Variants in ALG13 observed in about 807,000 individuals in gnomAD.
ALG13 encodes the protein UDP-N-acetylglucosamine transferase subunit ALG13.
In ALG13, 11 loss-of-function variants were observed where a neutral mutation model predicts 87.8. That is an observed-to-expected ratio of 0.13 (90% CI 0.08 to 0.21). The LOEUF (loss-of-function observed/expected upper bound fraction) is 0.21. Ranked by LOEUF, ALG13 falls within the 10% of genes least tolerant of loss-of-function variation. The pLI is 1.00. For missense variants in ALG13, 756 were observed against 866.1 expected, an observed-to-expected ratio of 0.87 and a Z score of 1.60; for synonymous variants, 320 against 306.3, an observed-to-expected ratio of 1.04 and a Z score of -0.47.
chrX:111,750,501 A>AT (rs984051008), intron 24 of ALG13, among the ~76,000 whole-genome samples: 12 of 110,105 alleles, frequency 1.1e-4, no homozygotes, highest in Admixed American at 5.8e-4. Context: ...TGTGATTTTT[A>AT]TTTTTTTTAC....
chrX:111,747,151 C>T (rs1439815147), intron 24 of ALG13, among the ~76,000 whole-genome samples: 1 of 111,636 alleles, frequency 9.0e-6, no homozygotes, highest in Admixed American at 9.5e-5. Flanking sequence ...TGAATGATGA[C>T]ATGTATCCTT....
chrX:111,687,332 G>A (rs1407248278), intron 3 of ALG13, among the ~76,000 whole-genome samples: 3 of 112,432 alleles, frequency 2.7e-5, no homozygotes, highest in Non-Finnish European at 5.6e-5. Flanking sequence ...TAATTTAAGC[G>A]ATTGGTTTAA....
chrX:111,753,415 T>A (rs962342068), intron 25 of ALG13, among the ~76,000 whole-genome samples: 1 of 110,876 alleles, frequency 9.0e-6, no homozygotes, highest in African/African-American at 3.3e-5. Context: ...GCAAACAAAT[T>A]CAAAACCTAG....
At chrX:111,706,825 C>CT (rs1423848623) in intron 3 of ALG13, 5 of 108,641 alleles carry the variant, frequency 4.6e-5, no homozygotes, top group East Asian at 5.8e-4. Flanking sequence ...AGATTTATTC[C>CT]TTTTTTACCA....
chrX:111,758,109 C>G (rs1393351459), intron 26 of ALG13, among the ~76,000 whole-genome samples: 1 of 111,666 alleles, frequency 9.0e-6, no homozygotes, highest in Non-Finnish European at 1.9e-5. Context: ...ACCCATGGTA[C>G]AAAAATGCCA....
intron 3 of ALG13, among the ~76,000 whole-genome samples, chrX:111,691,246 A>G (rs781671273): frequency 7.2e-4 from 80 of 110,461 alleles, no homozygotes; most frequent in Non-Finnish European, 1.3e-3. Context: ...GATTACAGGC[A>G]TGTGTCACCC....
intron 3 of ALG13, among the ~76,000 whole-genome samples, chrX:111,698,162 G>GGTTTT (rs1379678169): frequency 9.0e-6 from 1 of 111,670 alleles, no homozygotes; most frequent in African/African-American, 3.3e-5. Flanking sequence ...TGCTTAAACT[G>GGTTTT]GTTTTGTTTT....
intron 23 of ALG13, among the ~76,000 whole-genome samples, chrX:111,739,884 A>G (rs1458933172): frequency 8.9e-6 from 1 of 112,350 alleles, no homozygotes; most frequent in East Asian, 2.8e-4. Flanking sequence ...CAGCAGAGAT[A>G]TAGAATATTT....
rs1489409923 is a variant in ALG13 at position 111,759,665 on chromosome X, A to G, written c.3149-69A>G. ...TTTTCACACATAAGAACATCCATTT[A>G]TGTTGCATGGGGTTCTGTTTTGGTG... On this transcript the variant is annotated intron_variant, in intron 26 of 26. Transcript: ENST00000394780. 5 of 927,304 alleles carry G rather than the reference A, an allele frequency of 5.4e-6. No individual in the cohort carries two copies. The African/African-American group carries it at 5.9e-5, about 11-fold the overall frequency. The allele number at this position is 927,304 out of a possible 1,213,427, so 76.4% of individuals were successfully genotyped here. A position where few individuals can be genotyped will look rare whatever the true frequency, so the allele number is the denominator to read the frequency against.
At position 111,760,087 on chromosome X, in the gene ALG13, T is replaced by G; in HGVS notation, c.*88T>G. 1 of 914,752 alleles carries G rather than the reference T, an allele frequency of 1.1e-6. No homozygotes were observed. 75.4% of individuals were successfully genotyped at this position (914,752 alleles called of 1,213,427 possible). A position where few individuals can be genotyped will look rare whatever the true frequency, so the allele number is the denominator to read the frequency against. On this transcript the variant is annotated 3_prime_UTR_variant, in exon 27 of 27. Transcript: ENST00000394780. ...ATTTTATGTTAGTGGTTAAATGATT[T>G]AGGTGATTAGTGTTTACTATTGTAT... is the stretch of plus-strand genomic sequence containing the variant.
At chrX:111,681,800 G>A in intron 1 of ALG13, 1 of 844,655 alleles carries the variant, frequency 1.2e-6, no homozygotes, top group Non-Finnish European at 1.4e-6. Context: ...CGTCCCCTCA[G>A]GGCTCCCGGT....
chrX:111,721,056 G>GT (rs762735820), intron 11 of ALG13, among the ~76,000 whole-genome samples: 151 of 87,701 alleles, frequency 1.7e-3, no homozygotes, highest in African/African-American at 2.4e-3. Context: ...GAACGACGTG[G>GT]TTTTTTTTTT....
At chrX:111,706,051 TATA>T (rs1285897589) in intron 3 of ALG13, among the ~76,000 whole-genome samples, 1 of 111,767 alleles carries the variant, frequency 8.9e-6, no homozygotes, top group Non-Finnish European at 1.9e-5. Context: ...ACTTTTAAAT[TATA>T]ATCCCTTTTT....
At chrX:111,726,672 A>C (rs1942085540) in intron 15 of ALG13, 137 bp from the exon 16 acceptor site, 1 of 712,205 alleles carries the variant, frequency 1.4e-6, no homozygotes, top group African/African-American at 2.1e-5. Flanking sequence ...AAAAATACAA[A>C]AATTCCCTCC....
At chrX:111,684,262 A>C (rs753960475) in intron 2 of ALG13, among the ~76,000 whole-genome samples, 1 of 111,374 alleles carries the variant, frequency 9.0e-6, no homozygotes, top group Admixed American at 9.5e-5. Context: ...CTAAGCTGTG[A>C]TGTGTGGTGG....
intron 19 of ALG13, among the ~76,000 whole-genome samples, chrX:111,729,576 C>T (rs1012113611): frequency 5.4e-5 from 6 of 111,488 alleles, no homozygotes; most frequent in Non-Finnish European, 1.1e-4. Flanking sequence ...TTTGAAATAA[C>T]CAAATCTTTG....
chrX:111,752,664 T>C lies in ALG13; in HGVS notation c.2933-126T>C, dbSNP rs1272660747. On this transcript the variant is annotated intron_variant, in intron 24 of 26. Transcript: ENST00000394780. ...CTCCTGACCTCAAGTTATCTGCCCA[T>C]CTAGGCCTCCCAAAGTGCTGGGATT... 6 of 446,651 alleles carry C rather than the reference T, an allele frequency of 1.3e-5. No homozygotes were observed. In the East Asian group the frequency reaches 2.6e-4, roughly 20 times the overall value. The allele number at this position is 446,651 out of a possible 1,213,427, so 36.8% of individuals were successfully genotyped here.
chrX:111,730,620 A>G (rs753457396), intron 21 of ALG13, 40 bp downstream of exon 21: 36 of 1,026,654 alleles, frequency 3.5e-5, no homozygotes, highest in Admixed American at 1.6e-4. Flanking sequence ...AGCTCCTACT[A>G]TGTACTAGGG....
At position 111,720,154 on chromosome X, in the gene ALG13, G is replaced by C; in HGVS notation, c.1310G>C (p.Gly437Ala). ...AATATACCAGAGGGCTACAATAAAG[G>C]AACAGAAGAAACAAAGGTTTGATAT... is the stretch of plus-strand genomic sequence containing the variant. The part of the protein sequence containing the change: ...AENIPEGYNK[G>A]TEETKSPENP... The change falls in exon 11 of 27, where the codon GGA (glycine) becomes GCA (alanine). Residue 437 changes from glycine (G) to alanine (A), a missense_variant. Gly to Ala is a moderately conservative substitution (Grantham distance 60). This residue lies in a region of ALG13 where 48 missense variants were observed against 50.5 expected (regional missense o/e 0.95). Coordinates refer to ENST00000394780, the MANE Select transcript of ALG13 (RefSeq NM_001099922.3). 5 of 1,181,605 alleles carry C rather than the reference G, an allele frequency of 4.2e-6. No homozygotes were observed. Among genetic ancestry groups the C allele is most frequent in the Non-Finnish European group, 5.7e-6 (5 of 878,351 alleles).
Sources: gnomAD v4.1 joint callset for allele counts (sites outside exome capture counted in the v4.1 genomes callset) on GRCh38, gnomAD v4.1.1 for gene constraint, gnomAD v4.1.1 regional missense constraint, MANE v1.5 for transcripts, NCBI Gene and HGNC (gene_info 2026-07-23, HGNC 2026-07-21) for gene names.